DLEC1: variants seen among roughly 807,000 people sequenced by gnomAD.
The protein encoded by DLEC1 is deleted in lung and esophageal cancer protein 1.
In DLEC1, 146 loss-of-function variants were observed where a neutral mutation model predicts 198.1. That is an observed-to-expected ratio of 0.74 (90% CI 0.64 to 0.85). DLEC1 has a LOEUF of 0.85. DLEC1 is among the 40% of genes least tolerant of loss of function. The pLI, the probability that DLEC1 is intolerant of heterozygous loss-of-function variation, is 0.00. For synonymous variants in DLEC1, 897 were observed against 866.8 expected, an observed-to-expected ratio of 1.03 and a Z score of -0.61; for missense variants, 2,233 against 2,220.0, an observed-to-expected ratio of 1.01 and a Z score of -0.12.
intron 2 of DLEC1, among the ~76,000 whole-genome samples, chr3:38,059,214 G>A (rs1192742312): frequency 6.6e-6 from 1 of 152,202 alleles, no homozygotes; most frequent in Admixed American, 6.5e-5. Context: ...GCTCAGGTCT[G>A]CTCTGGATTC....
At chr3:38,120,686 A>G in intron 34 of DLEC1, 77 bp downstream of exon 34, 1 of 1,578,746 alleles carries the variant, frequency 6.3e-7, no homozygotes, top group Non-Finnish European at 8.6e-7. Flanking sequence ...CAGAGGAGGA[A>G]AGACCTAGCA....
intron 1 of DLEC1, among the ~76,000 whole-genome samples, chr3:38,043,953 A>T (rs1309651095): frequency 6.8e-6 from 1 of 146,028 alleles, no homozygotes; most frequent in Non-Finnish European, 1.5e-5. Flanking sequence ...TCCTACATAA[A>T]CTGTTTTTTT....
At chr3:38,064,121 C>T (rs1278540340) in intron 6 of DLEC1, among the ~76,000 whole-genome samples, 2 of 147,170 alleles carry the variant, frequency 1.4e-5, no homozygotes, top group Non-Finnish European at 3.0e-5. Flanking sequence ...AACATGTGAA[C>T]AAAGGTCTCT....
intron 6 of DLEC1, among the ~76,000 whole-genome samples, chr3:38,077,704 G>A (rs1239602519): frequency 1.3e-5 from 2 of 152,118 alleles, no homozygotes; most frequent in African/African-American, 4.8e-5. Flanking sequence ...TGTAGGAAAG[G>A]CCTCTACTTA....
In DLEC1 at chr3:38,107,621, G is replaced by A. The variant is rs772764772; in HGVS notation, c.2902G>A (p.Val968Met). 6.2e-7 allele frequency: 1 copy of A among 1,613,826 alleles called. No homozygotes were observed. Residue 968 changes from valine (V) to methionine (M), a missense_variant, in exon 20 of 37, where the codon GTG (valine) becomes ATG (methionine). Physicochemically the swap from Val to Met is conservative, Grantham distance 21. Coordinates refer to ENST00000308059, the MANE Select transcript of DLEC1 (RefSeq NM_007335.4). ...GTATGCTGAGGTACAGAAGCCCCATGTGTACCTACAGAGCAGCCAGGTGGA... is the reference window on the plus strand; with the variant it reads ...GTATGCTGAGGTACAGAAGCCCCATATGTACCTACAGAGCAGCCAGGTGGA... ...PVYAEVQKPHVYLQSSQVEVR... is the reference protein window; with the variant it reads ...PVYAEVQKPHMYLQSSQVEVR...
Position 38,116,582 on chromosome 3 carries a change from C to G in DLEC1, c.3986C>G (p.Thr1329Ser). The change falls in exon 28 of 37, where the codon ACC becomes AGC. Residue 1329 changes from threonine (T) to serine (S), a missense_variant. Coordinates refer to ENST00000308059, the MANE Select transcript of DLEC1 (RefSeq NM_007335.4). ...QAGNELVCPD[T>S]PEGGCLLWSP... ...GGGAATGAGCTTGTGTGCCCTGATA[C>G]CCCTGAGGGTGGCTGCCTCCTCTGG... 6.2e-7 allele frequency: 1 copy of G among 1,614,128 alleles called. No individual in the cohort carries two copies. Among genetic ancestry groups the G allele is most frequent in the Non-Finnish European group, 8.5e-7 (1 of 1,179,990 alleles).
chr3:38,052,384 T>G, intron 2 of DLEC1: 1 of 287,766 alleles, frequency 3.5e-6, no homozygotes. Context: ...TGAATGTTGC[T>G]GGAATGGTTC....
intron 22 of DLEC1, 159 bp from the exon 23 acceptor site, chr3:38,109,940 G>A (rs911119902): frequency 5.6e-5 from 46 of 821,888 alleles, no homozygotes; most frequent in Non-Finnish European, 8.0e-5. Flanking sequence ...TGGGTGGGCA[G>A]GAAAGGTGGG....
At position 38,094,813 on chromosome 3, in the gene DLEC1, G is replaced by T. The variant is rs559659957; in HGVS notation, c.1920-66G>T. Reference sequence around the variant, plus strand: ...CTCCCTCTTGGAGCAGGGCAGGGAGGCATGGGGTGGAGGGACCTGGTCCCA... The same window carrying T: ...CTCCCTCTTGGAGCAGGGCAGGGAGTCATGGGGTGGAGGGACCTGGTCCCA... On this transcript the variant is annotated intron_variant, in intron 12 of 36. Transcript: ENST00000308059. The T allele has an allele frequency of 5.1e-6, 8 of 1,564,520 alleles. No homozygotes were observed. The East Asian group carries it at 1.1e-4, about 22-fold the overall frequency.
chr3:38,070,877 C>T (rs1442594661), intron 6 of DLEC1, among the ~76,000 whole-genome samples: 1 of 152,140 alleles, frequency 6.6e-6, no homozygotes, highest in Non-Finnish European at 1.5e-5. Context: ...GCCATCTGGG[C>T]ATATAGGTGC....
chr3:38,068,142 C>T (rs1303094021), intron 6 of DLEC1, among the ~76,000 whole-genome samples: 1 of 152,238 alleles, frequency 6.6e-6, no homozygotes, highest in East Asian at 1.9e-4. Flanking sequence ...TTGCACAGCA[C>T]TACATCCTCT....
intron 15 of DLEC1, 147 bp downstream of exon 15, chr3:38,096,884 C>T (rs1222902847): frequency 4.1e-6 from 4 of 987,396 alleles, no homozygotes; most frequent in Non-Finnish European, 6.0e-6. Context: ...CCCAACTTGA[C>T]TTGCACAGAT....
At chr3:38,105,219 A>C (rs1233872749) in intron 19 of DLEC1, among the ~76,000 whole-genome samples, 1 of 152,138 alleles carries the variant, frequency 6.6e-6, no homozygotes, top group Admixed American at 6.5e-5. Context: ...ATTCTGGAGA[A>C]TATTCCTTGT....
At position 38,109,489 on chromosome 3, in the gene DLEC1, G is replaced by C. The variant is rs1161419837; in HGVS notation, c.3187G>C (p.Val1063Leu). ...CHVSGMKKPL[V>L]LGISGKPQGL... is the part of the protein sequence containing the mutation. ...CGTGTCAGGCATGAAGAAGCCACTG[G>C]TTCTAGGCATTTCTGGGAAGCCCCA... Residue 1063 changes from valine to leucine, a missense_variant, in exon 22 of 37, where the codon GTT becomes CTT. Val to Leu is a conservative substitution (Grantham distance 32). Coordinates refer to ENST00000308059, the MANE Select transcript of DLEC1 (RefSeq NM_007335.4). 6.2e-7 allele frequency: 1 copy of C among 1,614,098 alleles called. No individual in the cohort carries two copies. Among genetic ancestry groups the C allele is most frequent in the Admixed American group, 1.7e-5 (1 of 60,010 alleles).
At position 38,110,081 on chromosome 3, in the gene DLEC1, A is replaced by G; in HGVS notation, c.3261-18A>G. 1 of 1,612,912 alleles carries G rather than the reference A, an allele frequency of 6.2e-7. No individual in the cohort carries two copies. Among genetic ancestry groups the G allele is most frequent in the Non-Finnish European group, 8.5e-7 (1 of 1,179,950 alleles). ...GGTGTGTTACATAGTACCAATGGGCACAGGACAGTGTTTTCAGCACAGAGC... is the reference window on the plus strand; with the variant it reads ...GGTGTGTTACATAGTACCAATGGGCGCAGGACAGTGTTTTCAGCACAGAGC... On this transcript the variant is annotated intron_variant, in intron 22 of 36. Coordinates refer to ENST00000308059, the MANE Select transcript of DLEC1 (RefSeq NM_007335.4).
chr3:38,110,554 G>A (rs1699810684), intron 23 of DLEC1, among the ~76,000 whole-genome samples: 2 of 152,206 alleles, frequency 1.3e-5, no homozygotes, highest in Admixed American at 6.5e-5. Flanking sequence ...CCAGGCAGAT[G>A]GGCCTGTAGT....
chr3:38,115,841 GGAGA>G (rs911319374), intron 27 of DLEC1, among the ~76,000 whole-genome samples: 5 of 152,058 alleles, frequency 3.3e-5, no homozygotes, highest in Non-Finnish European at 5.9e-5. Context: ...GGTGCAGGCT[GGAGA>G]GAGAGCAATG....
Position 38,100,821 on chromosome 3 carries a change from G to GA in DLEC1, c.2864+402dup, listed in dbSNP as rs535244523. 2.0e-4 allele frequency among the ~76,000 whole-genome samples: 31 copies of GA among 152,232 alleles called. No individual in the cohort carries two copies. In the South Asian group the frequency reaches 2.9e-3, roughly 14 times the overall value. The stretch of plus-strand genomic sequence containing the variant: ...TGGACTGTTCCTACAGGAAAAACTA[G>GA]AAAAAACCACTGTCTGTCAACAGGA... On this transcript the variant is annotated intron_variant, in intron 19 of 36. Transcript: ENST00000308059.
intron 2 of DLEC1, among the ~76,000 whole-genome samples, 180 bp from the exon 3 acceptor site, chr3:38,059,562 G>T (rs1302837664): frequency 6.6e-6 from 1 of 152,128 alleles, no homozygotes; most frequent in Non-Finnish European, 1.5e-5. Context: ...CCAATGGTTG[G>T]CCTCTTTTAA....
Sources: gnomAD v4.1 joint callset for allele counts (sites outside exome capture counted in the v4.1 genomes callset) on GRCh38, gnomAD v4.1.1 for gene constraint, MANE v1.5 for transcripts, NCBI Gene and HGNC (gene_info 2026-07-23, HGNC 2026-07-21) for gene names.